Variants in ATP8A1 observed in about 807,000 individuals in gnomAD.
ATP8A1 encodes the protein ATPase phospholipid transporting 8A1.
A neutral mutation model predicts 177.7 loss-of-function variants in ATP8A1; 90 were observed. The observed-to-expected ratio is 0.51, with a 90% CI of 0.43 to 0.60. ATP8A1 has a LOEUF of 0.60. Ranked by LOEUF, ATP8A1 falls within the 20% of genes least tolerant of loss-of-function variation. ATP8A1 has a pLI of 0.00. For synonymous variants in ATP8A1, 493 were observed against 485.9 expected (o/e 1.01, Z -0.19); for missense variants, 1,072 against 1,392.8 (o/e 0.77, Z 3.67).
intron 1 of ATP8A1, among the ~76,000 whole-genome samples, chr4:42,656,217 C>T (rs1211732754): frequency 6.6e-6 from 1 of 152,214 alleles, no homozygotes; most frequent in Non-Finnish European, 1.5e-5. Flanking sequence ...AAAGTCAGCT[C>T]AGCTGGCCGA....
intron 9 of ATP8A1, among the ~76,000 whole-genome samples, chr4:42,582,947 C>G (rs16854532): frequency 0.026 from 3,927 of 152,070 alleles, 170 homozygotes; most frequent in African/African-American, 0.089. Context: ...TTACTACTAC[C>G]AAGTCTTCAT....
intron 25 of ATP8A1, among the ~76,000 whole-genome samples, chr4:42,475,176 T>C (rs1230722744): frequency 6.6e-6 from 1 of 152,134 alleles, no homozygotes; most frequent in African/African-American, 2.4e-5. Flanking sequence ...CAGCATTCTT[T>C]TATTTTTTGG....
At chr4:42,448,396 C>CTTTATTTTTTTTTTTTT (rs778022629) in intron 30 of ATP8A1, among the ~76,000 whole-genome samples, 2 of 84,128 alleles carry the variant, frequency 2.4e-5, no homozygotes, top group African/African-American at 8.0e-5. Context: ...CCTTCTCTTT[C>CTTTATTTTTTTTTTTTT]TTTTCTTTTT....
chr4:42,459,176 C>T (rs964306438), intron 27 of ATP8A1, among the ~76,000 whole-genome samples: 1 of 152,152 alleles, frequency 6.6e-6, no homozygotes, highest in African/African-American at 2.4e-5. Context: ...TTCCTTTTCA[C>T]TGTGTAAAGA....
chr4:42,472,382 CA>C, intron 25 of ATP8A1: 1 of 271,534 alleles, frequency 3.7e-6, no homozygotes, highest in Non-Finnish European at 7.3e-6. Flanking sequence ...CCATTGTAAA[CA>C]AAAATGGCTA....
chr4:42,581,666 A>T lies in ATP8A1; in HGVS notation c.789T>A (p.Val263=). 1 of 1,614,164 alleles carries T rather than the reference A, an allele frequency of 6.2e-7. No homozygotes were observed. Among genetic ancestry groups the T allele is most frequent in the Non-Finnish European group, 8.5e-7 (1 of 1,180,000 alleles). ...GTCCAGTGTAGACAACTATTCCATG[A>T]ACCCACTGTGTATTTCTCAACTGAG... is the stretch of plus-strand genomic sequence containing the variant. The part of the protein sequence containing the change: ...RGAQLRNTQW[V]HGIVVYTGHD... Residue 263 remains valine, a synonymous_variant, in exon 10 of 37, where the codon GTT becomes GTA. Coordinates refer to ENST00000381668, the MANE Select transcript of ATP8A1 (RefSeq NM_006095.2).
At chr4:42,476,220 G>A (rs1248778856) in intron 25 of ATP8A1, among the ~76,000 whole-genome samples, 2 of 152,096 alleles carry the variant, frequency 1.3e-5, no homozygotes, top group Non-Finnish European at 2.9e-5. Flanking sequence ...TGCTCATGAT[G>A]CAGAAATGAA....
chr4:42,628,545 T>G (rs1738365143), intron 1 of ATP8A1, among the ~76,000 whole-genome samples: 1 of 152,122 alleles, frequency 6.6e-6, no homozygotes, highest in Admixed American at 6.5e-5. Context: ...CATTGTATCC[T>G]TATCACCCTG....
At position 42,551,183 on chromosome 4, in the gene ATP8A1, A is replaced by T; in HGVS notation, c.1602+15T>A. 6.2e-7 allele frequency: 1 copy of T among 1,604,184 alleles called. No individual in the cohort carries two copies. Among genetic ancestry groups the T allele is most frequent in the Non-Finnish European group, 8.5e-7 (1 of 1,171,144 alleles). ...TTACTTGGATTAAAAAGAACCTTAA[A>T]AACAACTAACTTACTGAATCTATAA... On this transcript the variant is annotated intron_variant, in intron 18 of 36. Transcript: ENST00000381668.
intron 34 of ATP8A1, among the ~76,000 whole-genome samples, chr4:42,423,365 A>G (rs980742923): frequency 1.3e-5 from 2 of 152,308 alleles, no homozygotes; most frequent in East Asian, 1.9e-4. Context: ...TCTAAAAAAC[A>G]TACTCCCCGA....
At chr4:42,616,525 C>G (rs985911024) in intron 4 of ATP8A1, among the ~76,000 whole-genome samples, 2 of 152,124 alleles carry the variant, frequency 1.3e-5, no homozygotes, top group Non-Finnish European at 2.9e-5. Flanking sequence ...AAATTTGTTA[C>G]CGAATTAAGC....
At chr4:42,524,174 A>G (rs942602091) in intron 21 of ATP8A1, among the ~76,000 whole-genome samples, 1 of 152,186 alleles carries the variant, frequency 6.6e-6, no homozygotes, top group African/African-American at 2.4e-5. Context: ...TGCCTTGCAC[A>G]TAATATATTT....
intron 26 of ATP8A1, 32 bp downstream of exon 26, chr4:42,464,861 G>A: frequency 6.2e-7 from 1 of 1,612,558 alleles, no homozygotes; most frequent in Non-Finnish European, 8.5e-7. Flanking sequence ...TGACTGAGAG[G>A]AATGATGTGT....
intron 33 of ATP8A1, among the ~76,000 whole-genome samples, chr4:42,428,727 T>A (rs1714913054): frequency 6.6e-6 from 1 of 152,186 alleles, no homozygotes; most frequent in Non-Finnish European, 1.5e-5. Flanking sequence ...TTTCAAGACC[T>A]TTCCTATCTG....
intron 1 of ATP8A1, among the ~76,000 whole-genome samples, chr4:42,648,684 T>A (rs1740790682): frequency 1.3e-5 from 2 of 152,058 alleles, no homozygotes; most frequent in Admixed American, 1.3e-4. Context: ...TAAAAATTAA[T>A]TTACATACAT....
At chr4:42,539,395 A>C (rs1305310689) in intron 20 of ATP8A1, among the ~76,000 whole-genome samples, 138 of 130,142 alleles carry the variant, frequency 1.1e-3, no homozygotes, top group South Asian at 2.0e-3. Context: ...AAAATAAAAT[A>C]CCCCCCCCCC....
chr4:42,576,888 T>C (rs1445808457), intron 12 of ATP8A1, among the ~76,000 whole-genome samples: 2 of 152,200 alleles, frequency 1.3e-5, no homozygotes, highest in Non-Finnish European at 2.9e-5. Flanking sequence ...TAGGATAGAA[T>C]TGGCATGATA....
At chr4:42,571,173 G>A (rs1377981535) in intron 14 of ATP8A1, among the ~76,000 whole-genome samples, 1 of 152,128 alleles carries the variant, frequency 6.6e-6, no homozygotes, top group African/African-American at 2.4e-5. Context: ...TATGATAATC[G>A]TGAAATTTCT....
In ATP8A1 at chr4:42,556,178, G is replaced by A. The variant is rs796629826; in HGVS notation, c.1341-138C>T. 2.6e-5 allele frequency: 13 copies of A among 492,442 alleles called. No homozygotes were observed. In the South Asian group the frequency reaches 5.8e-4, roughly 22 times the overall value. The allele number at this position is 492,442 out of a possible 1,614,324, so 30.5% of individuals were successfully genotyped here. On this transcript the variant is annotated intron_variant, in intron 15 of 36. Transcript: ENST00000381668. ...AATGTAATTTGGCCTGCATTTCTAA[G>A]TAAGACATCACAGATTTCATGATTG...
Sources: allele counts gnomAD v4.1 joint callset (sites outside exome capture counted in the v4.1 genomes callset), GRCh38; gene constraint gnomAD v4.1.1; transcripts MANE v1.5; gene names NCBI Gene and HGNC (gene_info 2026-07-23, HGNC 2026-07-21).